GPATCH2L: variants seen among roughly 807,000 people sequenced by gnomAD.
GPATCH2L encodes G-patch domain containing 2 like, also known as G patch domain-containing protein 2-like.
A neutral mutation model predicts 57.4 loss-of-function variants in GPATCH2L; 31 were observed. The ratio of observed to expected loss-of-function variants is 0.54; its 90% CI spans 0.41 to 0.73. The LOEUF (loss-of-function observed/expected upper bound fraction) is 0.73, where lower values mean the gene tolerates loss of function less well. Ranked by LOEUF, GPATCH2L falls within the 30% of genes least tolerant of loss-of-function variation. GPATCH2L has a pLI of 0.00. For missense variants in GPATCH2L, 481 were observed against 599.9 expected (o/e 0.80, Z 2.07); for synonymous variants, 199 against 210.7 (o/e 0.94, Z 0.48).
Position 76,166,671 on chromosome 14 carries a change from G to T in GPATCH2L, c.671G>T (p.Ser224Ile), listed in dbSNP as rs745994861. ...TTTTACTCTTTTTACAGTGAAACCA[G>T]CAGTGTGTGTAGCAGCAGTGACACT... ...SDENMSECETSSVCSSSDTGL... is the reference protein window; with the variant it reads ...SDENMSECETISVCSSSDTGL... Residue 224 changes from serine to isoleucine, a missense_variant, in exon 3 of 10, where the codon AGC (serine) becomes ATC (isoleucine). By Grantham distance (142) the Ser-to-Ile change is moderately radical. Transcript: ENST00000261530. 6 of 1,606,808 alleles carry T rather than the reference G, an allele frequency of 3.7e-6. No homozygotes were observed. Among genetic ancestry groups the T allele is most frequent in the Non-Finnish European group, 5.1e-6 (6 of 1,173,478 alleles).
chr14:76,152,429 G>GC (rs1290500634), intron 1 of GPATCH2L: 1 of 284,704 alleles, frequency 3.5e-6, no homozygotes, highest in Non-Finnish European at 7.1e-6. Context: ...GCCGATCCCC[G>GC]CCCCTCGTGA....
In GPATCH2L at chr14:76,209,938, T is replaced by G. The variant is rs2040421479; in HGVS notation, c.*8087T>G. 1 of 152,216 alleles carries G rather than the reference T, an allele frequency of 6.6e-6. No individual in the cohort carries two copies. The allele number at this position is 152,216 out of a possible 1,614,324, so 9.4% of individuals were successfully genotyped here. A position where few individuals can be genotyped will look rare whatever the true frequency, so the allele number is the denominator to read the frequency against. On this transcript the variant is annotated 3_prime_UTR_variant, in exon 10 of 10. Coordinates refer to ENST00000261530, the MANE Select transcript of GPATCH2L (RefSeq NM_017926.4). ...AGCTTCCTCACACATGGGAAGGTAC[T>G]TCAGATGCTGGACAGCCAATAAGAA... is the stretch of plus-strand genomic sequence containing the variant.
chr14:76,155,114 C>G, intron 2 of GPATCH2L, 89 bp downstream of exon 2: 2 of 1,016,868 alleles, frequency 2.0e-6, no homozygotes, highest in Non-Finnish European at 2.8e-6. Context: ...TACCTTCTTT[C>G]AAACCAGCCA....
At position 76,189,181 on chromosome 14, in the gene GPATCH2L, G is replaced by C. The variant is rs144736642; in HGVS notation, c.1194-6697G>C. ...CTTTTTGTTTAGGATAGCTTTGGCT[G>C]TTCTGGGTCTCTTGTGGCTGCATAT... On this transcript the variant is annotated intron_variant, in intron 8 of 9. Coordinates refer to ENST00000261530, the MANE Select transcript of GPATCH2L (RefSeq NM_017926.4). 7.1e-3 allele frequency among the ~76,000 whole-genome samples: 1,083 copies of C among 151,924 alleles called. 15 individuals carry two copies. The highest frequency in any genetic ancestry group is 0.025 in the African/African-American group (1,032 of 41,466).
chr14:76,165,507 A>T (rs1016346073), intron 2 of GPATCH2L, among the ~76,000 whole-genome samples: 12 of 151,538 alleles, frequency 7.9e-5, no homozygotes, highest in African/African-American at 2.7e-4. Context: ...AAAAAAAAAG[A>T]AGAAATAGGG....
At chr14:76,167,920 A>G (rs181925906) in intron 3 of GPATCH2L, among the ~76,000 whole-genome samples, 3 of 152,350 alleles carry the variant, frequency 2.0e-5, no homozygotes, top group East Asian at 3.9e-4. Context: ...CTTAAAGGCT[A>G]TGATGCATAA....
chr14:76,194,684 G>A (rs564402428), intron 8 of GPATCH2L, among the ~76,000 whole-genome samples: 1 of 152,140 alleles, frequency 6.6e-6, no homozygotes, highest in Admixed American at 6.5e-5. Flanking sequence ...TTAATCCTCA[G>A]CTGGGACTAC....
At position 76,154,960 on chromosome 14, in the gene GPATCH2L, G is replaced by C. The variant is rs765929654; in HGVS notation, c.597G>C (p.Arg199Ser). The change falls in exon 2 of 10, where the codon AGG becomes AGC. Residue 199 changes from arginine (R) to serine (S), a missense_variant. Physicochemically the swap from Arg to Ser is moderately radical, Grantham distance 110. Around this residue, in one of 3 missense-constraint regions of GPATCH2L, gnomAD observed 208 missense variants for 272.4 expected, o/e 0.76. Coordinates refer to ENST00000261530, the MANE Select transcript of GPATCH2L (RefSeq NM_017926.4). This position sits in a 1 kb window ranked among gnomAD's most constrained non-coding sequence, Gnocchi z 4.4. ...GGACTTTCCTAAGCAAAACAGGAAG[G>C]AAAGAAAGGATGGAGTGTGAAACAG... ...ENRTFLSKTG[R>S]KERMECETDE... The C allele has an allele frequency of 1.9e-6, 3 of 1,614,088 alleles. No homozygotes were observed.
In GPATCH2L at chr14:76,201,959, C is replaced by T. The variant is rs1030235370; in HGVS notation, c.*108C>T. ...TTAATCGACATTCCCAGTCCTTTCACCACCAGAACCAACTCCTCTTTCAAA... is the reference window on the plus strand; with the variant it reads ...TTAATCGACATTCCCAGTCCTTTCATCACCAGAACCAACTCCTCTTTCAAA... On this transcript the variant is annotated 3_prime_UTR_variant, in exon 10 of 10. Coordinates refer to ENST00000261530, the MANE Select transcript of GPATCH2L (RefSeq NM_017926.4). The T allele has an allele frequency of 2.5e-6, 2 of 812,716 alleles. No homozygotes were observed. Among genetic ancestry groups the T allele is most frequent in the African/African-American group, 3.5e-5 (2 of 56,790 alleles). The allele number at this position is 812,716 out of a possible 1,614,324, so 50.3% of individuals were successfully genotyped here. A position where few individuals can be genotyped will look rare whatever the true frequency, so the allele number is the denominator to read the frequency against.
rs55988129 is a variant in GPATCH2L, at chr14:76,177,713, G to T, written c.1053-275G>T. On this transcript the variant is annotated intron_variant, in intron 6 of 9. Transcript: ENST00000261530. The stretch of plus-strand genomic sequence containing the variant: ...TTTGAAGAGGTTTTTTTTTGTTTTT[G>T]TTTTTGCAAAACATTCACATACATT... Among the ~76,000 whole-genome samples the T allele has an allele frequency of 0.23, 26,975 of 115,398 alleles. 2,607 individuals are homozygous for T. The highest frequency in any genetic ancestry group is 0.32 in the African/African-American group (10,199 of 31,756). The allele number at this position is 115,398 out of a possible 152,430, so 75.7% of individuals were successfully genotyped here.
intron 1 of GPATCH2L, among the ~76,000 whole-genome samples, chr14:76,229,338 T>C (rs1398213678): frequency 6.6e-6 from 1 of 152,246 alleles, no homozygotes; most frequent in Non-Finnish European, 1.5e-5. Flanking sequence ...TGACAGGGAC[T>C]AAACTCTGTG....
Position 76,233,665 on chromosome 14 carries a change from A to C in GPATCH2L, c.*117+3712A>C, listed in dbSNP as rs1370393870. Among the ~76,000 whole-genome samples, 3 of 152,220 alleles carry C rather than the reference A, an allele frequency of 2.0e-5. No individual in the cohort carries two copies. In the East Asian group the frequency reaches 5.8e-4, roughly 29 times the overall value. ...TAATATTTCAGTATGAATTTCTAAA[A>C]GATAAGGACTCTTCATTAAAGATTC... is the stretch of plus-strand genomic sequence containing the variant. On this transcript the variant is annotated intron_variant and NMD_transcript_variant, in intron 2 of 3. Transcript: ENST00000556372.
Position 76,212,635 on chromosome 14 carries a change from A to G in GPATCH2L, c.*10784A>G, listed in dbSNP as rs1453521139. On this transcript the variant is annotated 3_prime_UTR_variant, in exon 10 of 10. Coordinates refer to ENST00000261530, the MANE Select transcript of GPATCH2L (RefSeq NM_017926.4). ...ACATGGGATGATTTAAATAAGATAC[A>G]GAAGATCTAGTTGATGCATATTAGA... is the stretch of plus-strand genomic sequence containing the variant. The G allele has an allele frequency of 6.6e-6, 1 of 152,214 alleles. No individual in the cohort carries two copies. The highest frequency in any genetic ancestry group is 1.5e-5 in the Non-Finnish European group (1 of 68,014). The allele number at this position is 152,214 out of a possible 1,614,324, so 9.4% of individuals were successfully genotyped here.
At chr14:76,189,467 T>C (rs1301600199) in intron 8 of GPATCH2L, among the ~76,000 whole-genome samples, 2 of 152,080 alleles carry the variant, frequency 1.3e-5, no homozygotes, top group East Asian at 3.8e-4. Context: ...GTGGCCACTA[T>C]AAATGGGGTT....
intron 5 of GPATCH2L, chr14:76,176,370 G>A (rs1478686330): frequency 2.4e-5 from 12 of 504,598 alleles, no homozygotes; most frequent in Non-Finnish European, 4.2e-5. Context: ...ACCATATATG[G>A]TGAACAGTGT....
rs1243600296 is a variant in GPATCH2L at position 76,205,548 on chromosome 14, T to C, written c.*3697T>C. 6.6e-6 allele frequency: 1 copy of C among 152,218 alleles called. No individual in the cohort carries two copies. Among genetic ancestry groups the C allele is most frequent in the Admixed American group, 6.5e-5 (1 of 15,278 alleles). 9.4% of individuals were successfully genotyped at this position (152,218 alleles called of 1,614,324 possible). ...CTGTGATGCTTGTAGCATCCTTTGT[T>C]AAGTAAAGCACAACACCCTGGACAA... is the stretch of plus-strand genomic sequence containing the variant. On this transcript the variant is annotated 3_prime_UTR_variant, in exon 10 of 10. Coordinates refer to ENST00000261530, the MANE Select transcript of GPATCH2L (RefSeq NM_017926.4).
At chr14:76,186,509 T>G (rs1250653094) in intron 8 of GPATCH2L, among the ~76,000 whole-genome samples, 1 of 152,182 alleles carries the variant, frequency 6.6e-6, no homozygotes, top group East Asian at 1.9e-4. Flanking sequence ...GAACCTTTTA[T>G]TAGTCCTGTA....
chr14:76,220,352 T>C (rs1024682163), intron 1 of GPATCH2L, among the ~76,000 whole-genome samples: 2 of 152,174 alleles, frequency 1.3e-5, no homozygotes, highest in African/African-American at 4.8e-5. Flanking sequence ...AAGGCTGATA[T>C]AGCTATACAA....
rs777913934 is a variant in GPATCH2L, at chr14:76,211,836, C to A, written c.*9985C>A. The A allele has an allele frequency of 1.3e-4, 20 of 152,148 alleles. No homozygotes were observed. The highest frequency in any genetic ancestry group is 2.8e-4 in the Non-Finnish European group (19 of 68,028). 9.4% of individuals were successfully genotyped at this position (152,148 alleles called of 1,614,324 possible). A position where few individuals can be genotyped will look rare whatever the true frequency, so the allele number is the denominator to read the frequency against. ...AATACCGTGCTATAAATAAAGTTAG[C>A]TAAATCTTTTGAAACTGCATAAAAG... On this transcript the variant is annotated 3_prime_UTR_variant, in exon 10 of 10. Transcript: ENST00000261530.
Sources: gnomAD v4.1 joint callset for allele counts (sites outside exome capture counted in the v4.1 genomes callset) on GRCh38, gnomAD v4.1.1 for gene constraint, gnomAD v4.1.1 regional missense constraint, Gnocchi (gnomAD v3.1) non-coding constraint, MANE v1.5 for transcripts, NCBI Gene and HGNC (gene_info 2026-07-23, HGNC 2026-07-21) for gene names.